Variants in SLC24A2 observed in about 807,000 individuals in gnomAD.
SLC24A2 encodes the protein sodium/potassium/calcium exchanger 2.
In SLC24A2, 36 loss-of-function variants were observed where a neutral mutation model predicts 62.0. That is an observed-to-expected ratio of 0.58 (90% CI 0.44 to 0.77). The LOEUF is 0.77. SLC24A2 is among the 30% of genes least tolerant of loss of function. The pLI is 0.00. For synonymous variants in SLC24A2, 358 were observed against 294.0 expected (o/e 1.22, Z -2.23); for missense variants, 846 against 817.9 (o/e 1.03, Z -0.42).
chr9:19,644,012 A>T (rs1365757827), intron 2 of SLC24A2, among the ~76,000 whole-genome samples: 1 of 152,250 alleles, frequency 6.6e-6, no homozygotes, highest in African/African-American at 2.4e-5. Flanking sequence ...CACTTGAGTC[A>T]TTGTGAATAA....
chr9:20,226,289 G>T, the SLC24A2 span, among the ~76,000 whole-genome samples: 1 of 152,048 alleles, frequency 6.6e-6, no homozygotes, highest in Non-Finnish European at 1.5e-5. Flanking sequence ...TTTTCTTCCA[G>T]CTCATTTTGG....
At chr9:20,009,822 T>C in the SLC24A2 span, among the ~76,000 whole-genome samples, 111 of 152,144 alleles carry the variant, frequency 7.3e-4, no homozygotes, top group Non-Finnish European at 1.2e-3. Context: ...ACCTCAGTGT[T>C]CTGGTTAAGC....
At chr9:19,645,570 G>C (rs1481903975) in intron 2 of SLC24A2, among the ~76,000 whole-genome samples, 1 of 152,082 alleles carries the variant, frequency 6.6e-6, no homozygotes, top group Non-Finnish European at 1.5e-5. Context: ...AAGAGATGGG[G>C]CTTAGGATAG....
the SLC24A2 span, among the ~76,000 whole-genome samples, chr9:20,269,890 T>C: frequency 2.0e-5 from 3 of 152,218 alleles, no homozygotes; most frequent in Admixed American, 6.5e-5. Context: ...ACAGAATACC[T>C]GAGCCTGAGT....
the SLC24A2 span, among the ~76,000 whole-genome samples, chr9:19,819,267 A>G: frequency 6.6e-6 from 1 of 152,092 alleles, no homozygotes; most frequent in East Asian, 1.9e-4. Context: ...CATTGGAAAA[A>G]CCCTCCTAGA....
chr9:19,951,880 G>C, the SLC24A2 span, among the ~76,000 whole-genome samples: 2 of 152,086 alleles, frequency 1.3e-5, no homozygotes, highest in Non-Finnish European at 2.9e-5. Context: ...AACCTCACAA[G>C]GATTTTAATT....
chr9:20,272,035 T>C, the SLC24A2 span, among the ~76,000 whole-genome samples: 1 of 152,198 alleles, frequency 6.6e-6, no homozygotes, highest in Non-Finnish European at 1.5e-5. Flanking sequence ...ACTTCTCACA[T>C]TTTGTGGTTT....
intron 2 of SLC24A2, among the ~76,000 whole-genome samples, chr9:19,670,601 C>T (rs905754807): frequency 6.6e-6 from 1 of 152,088 alleles, no homozygotes; most frequent in African/African-American, 2.4e-5. Flanking sequence ...AATTTAGATA[C>T]AGAGAGATTA....
the SLC24A2 span, among the ~76,000 whole-genome samples, chr9:20,002,313 G>C: frequency 3.3e-5 from 5 of 149,336 alleles, 1 homozygote; most frequent in South Asian, 8.6e-4. Context: ...TGCCATGTTA[G>C]AAAAATGATT....
the SLC24A2 span, among the ~76,000 whole-genome samples, chr9:20,032,211 T>C: frequency 6.6e-6 from 1 of 152,200 alleles, no homozygotes; most frequent in Admixed American, 6.5e-5. Flanking sequence ...CTCTTGTCTC[T>C]TTCAAATGGG....
intron 2 of SLC24A2, among the ~76,000 whole-genome samples, chr9:19,725,980 T>G (rs1157480809): frequency 6.6e-6 from 1 of 152,150 alleles, no homozygotes; most frequent in East Asian, 1.9e-4. Flanking sequence ...GGAAAAAAAG[T>G]ATGCTTTCAG....
At chr9:20,228,561 G>T in the SLC24A2 span, among the ~76,000 whole-genome samples, 1 of 152,186 alleles carries the variant, frequency 6.6e-6, no homozygotes, top group African/African-American at 2.4e-5. Flanking sequence ...AGACTGGCTT[G>T]CTGTAGGGTG....
the SLC24A2 span, among the ~76,000 whole-genome samples, chr9:20,178,994 T>C: frequency 6.6e-6 from 1 of 152,098 alleles, no homozygotes; most frequent in Non-Finnish European, 1.5e-5. Context: ...CTTCAATCAC[T>C]TGGGGAATCT....
chr9:19,777,004 G>A (rs983054705), intron 2 of SLC24A2, among the ~76,000 whole-genome samples: 2 of 152,190 alleles, frequency 1.3e-5, no homozygotes, highest in African/African-American at 4.8e-5. Flanking sequence ...CCAAATCTTC[G>A]GTCATGAGGA....
At chr9:19,900,738 T>C in the SLC24A2 span, among the ~76,000 whole-genome samples, 3 of 152,220 alleles carry the variant, frequency 2.0e-5, no homozygotes, top group Admixed American at 6.5e-5. Flanking sequence ...AGTTCTATCA[T>C]GATCTTTATT....
chr9:19,964,265 T>C, the SLC24A2 span, among the ~76,000 whole-genome samples: 2 of 150,198 alleles, frequency 1.3e-5, no homozygotes, highest in South Asian at 2.1e-4. Flanking sequence ...ATATACCTAA[T>C]GCTAAATGAC....
chr9:19,850,944 TAC>T, the SLC24A2 span, among the ~76,000 whole-genome samples: 20,348 of 55,340 alleles, frequency 0.37, 4,848 homozygotes, highest in Non-Finnish European at 0.41. Context: ...TATATATATA[TAC>T]ATATATATAT....
the SLC24A2 span, among the ~76,000 whole-genome samples, chr9:19,906,043 C>T: frequency 1.3e-5 from 2 of 152,124 alleles, no homozygotes; most frequent in Admixed American, 1.3e-4. Context: ...AGCACCACAC[C>T]ACACCTATTC....
chr9:19,782,512 C>A (rs946103056), intron 2 of SLC24A2, among the ~76,000 whole-genome samples: 1 of 152,162 alleles, frequency 6.6e-6, no homozygotes, highest in Non-Finnish European at 1.5e-5. Context: ...TTTATATTCA[C>A]TGTATGTGAA....
Sources: gnomAD v4.1 joint callset for allele counts (sites outside exome capture counted in the v4.1 genomes callset) on GRCh38, gnomAD v4.1.1 for gene constraint, MANE v1.5 for transcripts, NCBI Gene and HGNC (gene_info 2026-07-23, HGNC 2026-07-21) for gene names.